Variants in DHX36 observed in about 807,000 individuals in gnomAD.
DHX36 encodes the protein ATP-dependent DNA/RNA helicase DHX36.
Under a neutral mutation model 139.0 loss-of-function variants are expected in DHX36, and 50 were observed. The ratio of observed to expected loss-of-function variants is 0.36; its 90% confidence interval spans 0.29 to 0.46. DHX36 has a LOEUF of 0.46. DHX36 is among the 20% of genes least tolerant of loss of function. DHX36 has a pLI of 1.00. For synonymous variants in DHX36, 425 were observed against 401.9 expected (o/e 1.06, Z -0.69); for missense variants, 1,024 against 1,211.3 (o/e 0.85, Z 2.29).
chr3:154,302,773 A>G (rs1271291567), intron 9 of DHX36, among the ~76,000 whole-genome samples: 1 of 152,158 alleles, frequency 6.6e-6, no homozygotes, highest in Non-Finnish European at 1.5e-5. Context: ...GCTGCCCAGG[A>G]ATCTTCAAAA....
intron 12 of DHX36, among the ~76,000 whole-genome samples, chr3:154,296,008 T>C (rs1463714463): frequency 6.6e-6 from 1 of 152,154 alleles, no homozygotes; most frequent in Non-Finnish European, 1.5e-5. Context: ...GCTCAAGCAA[T>C]CCACCCACCT....
intron 3 of DHX36, chr3:154,312,140 T>G (rs1712784558): frequency 6.6e-6 from 1 of 152,320 alleles, no homozygotes; most frequent in Admixed American, 6.5e-5. Context: ...AAGTAATATC[T>G]GCAGTCAGAA....
At chr3:154,277,362 T>C (rs1278448048) in intron 23 of DHX36, among the ~76,000 whole-genome samples, 1 of 152,106 alleles carries the variant, frequency 6.6e-6, no homozygotes, top group Non-Finnish European at 1.5e-5. Flanking sequence ...AAGCAAGTTC[T>C]GAAAGAAAAT....
intron 17 of DHX36, among the ~76,000 whole-genome samples, chr3:154,288,408 T>G (rs979060795): frequency 3.9e-5 from 6 of 152,106 alleles, no homozygotes; most frequent in African/African-American, 1.4e-4. Context: ...AGAGGTTATC[T>G]ATCATGATTG....
In DHX36 at chr3:154,324,257, G is replaced by GA; in HGVS notation, c.159dup (p.Pro54SerfsTer36). On this transcript the variant is annotated frameshift_variant, in exon 1 of 25. Coordinates refer to ENST00000496811, the MANE Select transcript of DHX36 (RefSeq NM_020865.3). LOFTEE classifies it high-confidence loss of function. Reference sequence around the variant, plus strand: ...ATTTCGCGGCCTTTCAGGTGCCCGGGATGCCGGCCCCTGCCGCCTCGACCA... The same window carrying GA: ...ATTTCGCGGCCTTTCAGGTGCCCGGGAATGCCGGCCCCTGCCGCCTCGACCA... The GA allele has an allele frequency of 1.2e-6, 2 of 1,613,636 alleles. No homozygotes were observed. Among genetic ancestry groups the GA allele is most frequent in the Non-Finnish European group, 1.7e-6 (2 of 1,179,790 alleles).
intron 5 of DHX36, among the ~76,000 whole-genome samples, chr3:154,307,569 C>G (rs1352462881): frequency 6.6e-6 from 1 of 152,086 alleles, no homozygotes; most frequent in African/African-American, 2.4e-5. Context: ...AATGAGATAT[C>G]ATCTTACCCC....
chr3:154,297,314 T>G (rs946018404), intron 12 of DHX36, among the ~76,000 whole-genome samples: 21 of 152,252 alleles, frequency 1.4e-4, no homozygotes, highest in African/African-American at 4.8e-4. Context: ...TTAGAGATTC[T>G]TGCTTATACA....
intron 17 of DHX36, among the ~76,000 whole-genome samples, chr3:154,288,085 T>C (rs748054676): frequency 6.8e-6 from 1 of 146,688 alleles, no homozygotes; most frequent in African/African-American, 2.6e-5. Flanking sequence ...GACGTGGAGG[T>C]TGCAGTGATC....
At chr3:154,277,143 G>A (rs1719175073) in intron 23 of DHX36, among the ~76,000 whole-genome samples, 3 of 152,090 alleles carry the variant, frequency 2.0e-5, no homozygotes, top group African/African-American at 7.2e-5. Flanking sequence ...AATATTTTCT[G>A]AGTGACAAAA....
Position 154,288,837 on chromosome 3 carries a change from GA to G in DHX36, c.2031+28del, listed in dbSNP as rs1711663496. The G allele has an allele frequency of 2.3e-6, 3 of 1,320,738 alleles. No homozygotes were observed. The East Asian group carries it at 7.4e-5, about 32-fold the overall frequency. 81.8% of individuals were successfully genotyped at this position (1,320,738 alleles called of 1,614,324 possible). On this transcript the variant is annotated intron_variant, in intron 17 of 24. Transcript: ENST00000496811. ...TTACATGCTGTAGTATTCTAAGTTA[GA>G]ATTAAAAAAACAAGAAAACAAATTT...
In DHX36 at chr3:154,280,576, T is replaced by C. The variant is rs1315657455; in HGVS notation, c.2567+3A>G. ...GTAATTAATAATAATCTTCAATGCT[T>C]ACATTTTTCTTTTTTTACCCAAATT... On this transcript the variant is annotated splice_donor_region_variant and intron_variant, in intron 22 of 24. Coordinates refer to ENST00000496811, the MANE Select transcript of DHX36 (RefSeq NM_020865.3). The C allele has an allele frequency of 1.3e-6, 2 of 1,590,644 alleles. No homozygotes were observed. Among genetic ancestry groups the C allele is most frequent in the Non-Finnish European group, 1.7e-6 (2 of 1,160,810 alleles).
At position 154,315,938 on chromosome 3, in the gene DHX36, G is replaced by A. The variant is rs929025675; in HGVS notation, c.368+101C>T. The stretch of plus-strand genomic sequence containing the variant: ...TAATCTACATAAGGAAAAAAAGTAC[G>A]TAAAGGTTAAAATTCACTTATCGAA... On this transcript the variant is annotated intron_variant, in intron 2 of 24. Coordinates refer to ENST00000496811, the MANE Select transcript of DHX36 (RefSeq NM_020865.3). The A allele has an allele frequency of 1.0e-4, 140 of 1,369,082 alleles. 2 individuals carry two copies. The highest frequency in any genetic ancestry group is 3.0e-5 in the Non-Finnish European group (31 of 1,026,438). The allele number at this position is 1,369,082 out of a possible 1,614,324, so 84.8% of individuals were successfully genotyped here.
intron 17 of DHX36, among the ~76,000 whole-genome samples, chr3:154,286,185 A>AAC (rs1711547234): frequency 2.7e-5 from 4 of 149,856 alleles, no homozygotes; most frequent in East Asian, 1.9e-4. Flanking sequence ...AAAAAAAAAA[A>AAC]AAAAAAACAC....
At chr3:154,293,678 G>T in intron 14 of DHX36, 70 bp downstream of exon 14, 1 of 1,118,764 alleles carries the variant, frequency 8.9e-7, no homozygotes, top group Non-Finnish European at 1.3e-6. Context: ...AAAGATTAAG[G>T]TATATAAACA....
chr3:154,315,417 T>C, intron 2 of DHX36, 137 bp from the exon 3 acceptor site: 1 of 549,890 alleles, frequency 1.8e-6, no homozygotes, highest in Non-Finnish European at 3.1e-6. Flanking sequence ...CTTAGTACAG[T>C]AATTATGAAA....
chr3:154,301,872 A>G (rs1271899910), intron 9 of DHX36, among the ~76,000 whole-genome samples: 1 of 152,004 alleles, frequency 6.6e-6, no homozygotes, highest in Non-Finnish European at 1.5e-5. Flanking sequence ...GGCATCTCTG[A>G]GCTCAACTAG....
chr3:154,318,026 G>A (rs1713049856), intron 1 of DHX36, among the ~76,000 whole-genome samples: 1 of 152,092 alleles, frequency 6.6e-6, no homozygotes, highest in Non-Finnish European at 1.5e-5. Context: ...AACCCAGGGT[G>A]GGTAGAGGAG....
chr3:154,311,658 A>T lies in DHX36; in HGVS notation c.620T>A (p.Leu207Gln), dbSNP rs749100005. Residue 207 changes from leucine (L) to glutamine (Q), a missense_variant, in exon 4 of 25, where the codon CTG (leucine) becomes CAG (glutamine). Physicochemically the swap from Leu to Gln is moderately radical, Grantham distance 113. Around this residue, in one of 4 missense-constraint regions of DHX36, gnomAD observed 293 missense variants for 274.4 expected, o/e 1.07. Transcript: ENST00000496811. ...YIEMQHFREK[L>Q]PSYGMQKELV... ...TACCTTTTGCATTCCATACGAAGGCAGCTTTTCTCTGAAATGCTGAAATTT... is the reference window on the plus strand; with the variant it reads ...TACCTTTTGCATTCCATACGAAGGCTGCTTTTCTCTGAAATGCTGAAATTT... 4 of 1,598,078 alleles carry T rather than the reference A, an allele frequency of 2.5e-6. No homozygotes were observed. The highest frequency in any genetic ancestry group is 1.7e-6 in the Non-Finnish European group (2 of 1,175,302).
At chr3:154,305,059 T>C (rs1252756563) in intron 7 of DHX36, 35 bp downstream of exon 7, 12 of 1,595,086 alleles carry the variant, frequency 7.5e-6, no homozygotes, top group African/African-American at 1.4e-5. Context: ...CATCTTTTGA[T>C]AACACTTATA....
Sources: allele counts gnomAD v4.1 joint callset (sites outside exome capture counted in the v4.1 genomes callset), GRCh38; gene constraint gnomAD v4.1.1; regional missense constraint gnomAD v4.1.1; transcripts MANE v1.5; gene names NCBI Gene and HGNC (gene_info 2026-07-23, HGNC 2026-07-21).